The following PPP2R2C variants were observed in gnomAD, a reference collection of about 807,000 sequenced individuals.
PPP2R2C encodes the protein protein phosphatase 2 regulatory subunit Bgamma, also known as protein phosphatase 2, regulatory subunit B, gamma.
Under a neutral mutation model 45.3 loss-of-function variants are expected in PPP2R2C, and 10 were observed. That is an observed-to-expected ratio of 0.22 (90% CI 0.14 to 0.37). The LOEUF is 0.37. Among genes scored for constraint, PPP2R2C ranks in the 10% least tolerant of loss-of-function variants. The pLI is 1.00. For missense variants in PPP2R2C, 308 were observed against 619.7 expected, an observed-to-expected ratio of 0.50 and a Z score of 5.34; for synonymous variants, 257 against 245.4, an observed-to-expected ratio of 1.05 and a Z score of -0.44.
At chr4:6,383,069 T>A in intron 1 of PPP2R2C, 3 of 1,094,948 alleles carry the variant, frequency 2.7e-6, no homozygotes, top group Non-Finnish European at 3.3e-6. Flanking sequence ...GTCCCTGTGT[T>A]TTGCTTTGGC....
intron 1 of PPP2R2C, among the ~76,000 whole-genome samples, chr4:6,402,034 C>T (rs1717450770): frequency 6.6e-6 from 1 of 152,216 alleles, no homozygotes; most frequent in South Asian, 2.1e-4. Flanking sequence ...CTCATCTGCG[C>T]ATTGAGGTTA....
intron 8 of PPP2R2C, 87 bp from the exon 9 acceptor site, chr4:6,323,680 A>T (rs752440660): frequency 4.4e-6 from 6 of 1,357,642 alleles, no homozygotes; most frequent in Non-Finnish European, 5.8e-6. Context: ...TCACGCCCAT[A>T]ATCCCAGGAC....
rs904216366 is a variant in PPP2R2C at position 6,328,759 on chromosome 4, TC to T, written c.1052+502del. Among the ~76,000 whole-genome samples, 9 of 151,914 alleles carry T rather than the reference TC, an allele frequency of 5.9e-5. No individual in the cohort carries two copies. The highest frequency in any genetic ancestry group is 2.2e-4 in the African/African-American group (9 of 41,334). ...GACAAGCCCTGGAGGGTGTAGGAGC[TC>T]CAAGGTGCCCCTGAGCCTCAGCGGG... On this transcript the variant is annotated intron_variant, in intron 8 of 8. Transcript: ENST00000382599. This position sits in a 1 kb window ranked among gnomAD's most constrained non-coding sequence, Gnocchi z 4.4.
intron 2 of PPP2R2C, among the ~76,000 whole-genome samples, chr4:6,512,554 ATGGTGGTG>A (rs1723682203): frequency 5.9e-5 from 2 of 33,984 alleles, no homozygotes; most frequent in Non-Finnish European, 1.1e-4. Flanking sequence ...GATGGTGGTG[ATGGTGGTG>A]GTGGTGGTGA....
At chr4:6,512,974 TA>T (rs562383955) in intron 2 of PPP2R2C, among the ~76,000 whole-genome samples, 28 of 151,220 alleles carry the variant, frequency 1.9e-4, no homozygotes, top group Admixed American at 1.4e-3. Context: ...CATATCAGGA[TA>T]AAAAAAAATA....
At chr4:6,388,607 A>G (rs906845778) in intron 1 of PPP2R2C, among the ~76,000 whole-genome samples, 5 of 152,134 alleles carry the variant, frequency 3.3e-5, no homozygotes, top group Non-Finnish European at 7.4e-5. Context: ...GGAGGCATCA[A>G]GAATGAAGGG....
chr4:6,412,943 C>T (rs936008307), intron 1 of PPP2R2C, among the ~76,000 whole-genome samples: 3 of 152,214 alleles, frequency 2.0e-5, no homozygotes, highest in Non-Finnish European at 4.4e-5. Flanking sequence ...AAACTGCTGG[C>T]ACCTTCATCT....
At chr4:6,458,173 T>A (rs914592772) in intron 1 of PPP2R2C, among the ~76,000 whole-genome samples, 3 of 152,256 alleles carry the variant, frequency 2.0e-5, no homozygotes, top group Non-Finnish European at 4.4e-5. Flanking sequence ...CTGCTGAGCA[T>A]CATCTTTGCT....
At chr4:6,546,764 G>C (rs550728851) in intron 1 of PPP2R2C, among the ~76,000 whole-genome samples, 8 of 152,244 alleles carry the variant, frequency 5.3e-5, no homozygotes, top group African/African-American at 7.2e-5. Flanking sequence ...CCCGCTGTCA[G>C]AATTTCAGCA....
Position 6,413,115 on chromosome 4 carries a change from CCTG to C in PPP2R2C, c.71-32024_71-32022del, listed in dbSNP as rs544764426. Among the ~76,000 whole-genome samples the C allele has an allele frequency of 1.1e-4, 16 of 152,224 alleles. No individual in the cohort carries two copies. The East Asian group carries it at 1.4e-3, about 13-fold the overall frequency. ...TACACAGTCATTTTCTTACAGATTG[CCTG>C]CTATTTCCCCCGAGAATAAACAGAG... On this transcript the variant is annotated intron_variant, in intron 1 of 8. Coordinates refer to ENST00000382599, the MANE Select transcript of PPP2R2C (RefSeq NM_020416.4).
chr4:6,394,650 G>T (rs547331666), intron 1 of PPP2R2C, among the ~76,000 whole-genome samples: 1 of 152,306 alleles, frequency 6.6e-6, no homozygotes, highest in Admixed American at 6.5e-5. Flanking sequence ...AGGATGGGGG[G>T]CATGGAGGCC....
intron 1 of PPP2R2C, among the ~76,000 whole-genome samples, chr4:6,431,338 C>G (rs969665429): frequency 1.3e-5 from 2 of 152,216 alleles, no homozygotes; most frequent in African/African-American, 4.8e-5. Context: ...ACCTCAAAAG[C>G]TAATATGAGG....
At chr4:6,441,150 T>G (rs1336992657) in intron 1 of PPP2R2C, among the ~76,000 whole-genome samples, 1 of 152,060 alleles carries the variant, frequency 6.6e-6, no homozygotes, top group Non-Finnish European at 1.5e-5. Flanking sequence ...TCCAGCAGCC[T>G]GAGGGAAGCC....
In PPP2R2C at chr4:6,497,036, G is replaced by A. The variant is rs116752754; in HGVS notation, c.49+38235C>T. 7.7e-3 allele frequency among the ~76,000 whole-genome samples: 1,170 copies of A among 152,132 alleles called. 16 individuals are homozygous for A. Among genetic ancestry groups the A allele is most frequent in the African/African-American group, 0.026 (1,076 of 41,482 alleles). On this transcript the variant is annotated intron_variant, in intron 2 of 9. Transcript: ENST00000506140. ...AACAACAACTGCCCTCTCTTCCTGA[G>A]GGATGGAGAAGTTCCATAGGCCTTT... is the stretch of plus-strand genomic sequence containing the variant.
At chr4:6,467,807 G>A (rs752487607) in intron 1 of PPP2R2C, among the ~76,000 whole-genome samples, 9 of 152,142 alleles carry the variant, frequency 5.9e-5, no homozygotes, top group Non-Finnish European at 1.0e-4. Flanking sequence ...CTATGTCCTG[G>A]ATCTCACTCA....
intron 2 of PPP2R2C, among the ~76,000 whole-genome samples, chr4:6,521,659 G>A (rs147566516): frequency 2.0e-5 from 3 of 152,192 alleles, no homozygotes; most frequent in South Asian, 2.1e-4. Flanking sequence ...GAGTTCATAC[G>A]TAGGAGGCAC....
intron 2 of PPP2R2C, among the ~76,000 whole-genome samples, chr4:6,492,514 G>A (rs954042530): frequency 3.3e-5 from 5 of 152,216 alleles, no homozygotes; most frequent in African/African-American, 9.6e-5. Flanking sequence ...GCTCAAGTGT[G>A]AGTGAAAGTC....
chr4:6,329,979 G>A lies in PPP2R2C; in HGVS notation c.961-626C>T, dbSNP rs963382441. ...ATGATCTCCGAGAACACAGGGTGGCGGCCATCAAGAAAGGGGAAGAGGGAA... is the reference window on the plus strand; with the variant it reads ...ATGATCTCCGAGAACACAGGGTGGCAGCCATCAAGAAAGGGGAAGAGGGAA... On this transcript the variant is annotated intron_variant, in intron 7 of 8. Coordinates refer to ENST00000382599, the MANE Select transcript of PPP2R2C (RefSeq NM_020416.4). The surrounding 1 kb of genome is among the most constrained non-coding windows in gnomAD (Gnocchi z 5.8). 7.2e-5 allele frequency among the ~76,000 whole-genome samples: 11 copies of A among 152,086 alleles called. No homozygotes were observed. The highest frequency in any genetic ancestry group is 5.9e-4 in the Admixed American group (9 of 15,278).
intron 1 of PPP2R2C, among the ~76,000 whole-genome samples, chr4:6,409,131 T>C (rs1226567437): frequency 1.3e-5 from 2 of 152,082 alleles, no homozygotes; most frequent in Admixed American, 6.6e-5. Flanking sequence ...GCAGCACCCA[T>C]TGGGTCCATT....
Sources: allele counts gnomAD v4.1 joint callset (sites outside exome capture counted in the v4.1 genomes callset), GRCh38; gene constraint gnomAD v4.1.1; non-coding constraint Gnocchi (gnomAD v3.1); transcripts MANE v1.5; gene names NCBI Gene and HGNC (gene_info 2026-07-23, HGNC 2026-07-21).